TRIM36: variants seen among roughly 807,000 people sequenced by gnomAD.
TRIM36 encodes the protein tripartite motif containing 36.
TRIM36 carries 42 observed loss-of-function variants against 72.4 expected under a neutral mutation model. The observed-to-expected ratio is 0.58, with a 90% CI of 0.45 to 0.75. The LOEUF (loss-of-function observed/expected upper bound fraction) is 0.75. TRIM36 is among the 30% of genes least tolerant of loss of function. The probability of loss-of-function intolerance (pLI) is 0.00; values close to 1 mark genes in which losing one functional copy is unlikely to be tolerated. For missense variants in TRIM36, 913 were observed against 857.1 expected (o/e 1.07, Z -0.81); for synonymous variants, 315 against 282.8 (o/e 1.11, Z -1.14).
At chr5:115,163,368 G>T in intron 2 of TRIM36, 150 bp downstream of exon 2, 1 of 637,526 alleles carries the variant, frequency 1.6e-6, no homozygotes, top group South Asian at 2.0e-5. Flanking sequence ...TAACAGTGGG[G>T]GAGGCCCCTT....
chr5:115,162,256 G>A (rs1320733372), intron 2 of TRIM36, among the ~76,000 whole-genome samples: 3 of 152,164 alleles, frequency 2.0e-5, no homozygotes, highest in Non-Finnish European at 2.9e-5. Flanking sequence ...TAAAGAAGAG[G>A]GAGAAACATC....
chr5:115,167,470 C>G lies in TRIM36; in HGVS notation c.27+2138G>C, dbSNP rs983479302. ...GCTGCAAATTTTCCAAACTTTTACG[C>G]TCCGCTTCATCTCTCTCAAGTTCAA... On this transcript the variant is annotated intron_variant, in intron 1 of 9. Transcript: ENST00000513154. Among the ~76,000 whole-genome samples the G allele has an allele frequency of 9.8e-5, 15 of 152,354 alleles. No homozygotes were observed. The South Asian group carries it at 3.1e-3, about 32-fold the overall frequency.
In TRIM36 at chr5:115,141,345, A is replaced by C; in HGVS notation, c.765T>G (p.Leu255=). The change falls in exon 5 of 10, where the codon CTT becomes CTG. Residue 255 remains leucine (L), a synonymous_variant. Transcript: ENST00000513154. ...KEKLSKDIDY[L]IGKESQVKSQ... Reference sequence around the variant, plus strand: ...TCTTCACCTGGCTTTCCTTACCAATAAGGTAATCAATATCCTTTGAAAGCT... The same window carrying C: ...TCTTCACCTGGCTTTCCTTACCAATCAGGTAATCAATATCCTTTGAAAGCT... 6.2e-7 allele frequency: 1 copy of C among 1,602,610 alleles called. No homozygotes were observed. The highest frequency in any genetic ancestry group is 8.5e-7 in the Non-Finnish European group (1 of 1,176,908).
chr5:115,144,041 T>TTG (rs747673034), intron 4 of TRIM36, among the ~76,000 whole-genome samples: 29 of 151,340 alleles, frequency 1.9e-4, no homozygotes, highest in Non-Finnish European at 4.0e-4. Context: ...CAGCTAATTT[T>TTG]TTTTTTGTAT....
upstream of TRIM36, among the ~76,000 whole-genome samples, chr5:115,170,487 C>T (rs1366000793): frequency 2.0e-5 from 3 of 152,176 alleles, no homozygotes; most frequent in African/African-American, 7.2e-5. Context: ...CAGAGTGAGA[C>T]CCCGCCCGCC....
At chr5:115,172,118 G>T (rs1755142843), upstream of TRIM36, among the ~76,000 whole-genome samples, 1 of 151,996 alleles carries the variant, frequency 6.6e-6, no homozygotes, top group South Asian at 2.1e-4. Flanking sequence ...CCAAGTAATG[G>T]TATCATTGCC....
chr5:115,179,145 G>C (rs987123822), intron 1 of TRIM36, among the ~76,000 whole-genome samples: 5 of 152,210 alleles, frequency 3.3e-5, no homozygotes, highest in Non-Finnish European at 7.3e-5. Flanking sequence ...GCAGTGCACT[G>C]TGCAGCCTCC....
chr5:115,145,673 T>C (rs1044352129), intron 3 of TRIM36, among the ~76,000 whole-genome samples: 7 of 152,200 alleles, frequency 4.6e-5, no homozygotes, highest in Non-Finnish European at 1.0e-4. Context: ...ATCACAGGCA[T>C]GTGCCACCAT....
intron 3 of TRIM36, among the ~76,000 whole-genome samples, chr5:115,145,536 T>C (rs1035526157): frequency 1.3e-5 from 2 of 152,078 alleles, no homozygotes; most frequent in South Asian, 4.1e-4. Flanking sequence ...TATTTATTTA[T>C]TTATTTTTGA....
chr5:115,171,992 A>G (rs959032543), upstream of TRIM36, among the ~76,000 whole-genome samples: 12 of 152,204 alleles, frequency 7.9e-5, no homozygotes, highest in African/African-American at 2.9e-4. Context: ...TCTAGATTTG[A>G]GGACTTTCTA....
At chr5:115,144,553 T>G in intron 4 of TRIM36, 45 bp downstream of exon 4, 2 of 1,609,616 alleles carry the variant, frequency 1.2e-6, no homozygotes, top group South Asian at 2.2e-5. Context: ...AGGCATAAAG[T>G]AAAGTTACGA....
intron 1 of TRIM36, chr5:115,177,880 A>G (rs923493833): frequency 6.2e-7 from 1 of 1,613,020 alleles, no homozygotes; most frequent in African/African-American, 1.3e-5. Context: ...AGCCTAGTGA[A>G]GAGAGAGACA....
chr5:115,145,124 T>A (rs1468337617), intron 3 of TRIM36, among the ~76,000 whole-genome samples: 1 of 152,158 alleles, frequency 6.6e-6, no homozygotes, highest in Non-Finnish European at 1.5e-5. Context: ...ATGAAGCAAT[T>A]CTTAATGATC....
intron 1 of TRIM36, among the ~76,000 whole-genome samples, chr5:115,165,816 C>A (rs1754741105): frequency 6.6e-6 from 1 of 152,172 alleles, no homozygotes; most frequent in Non-Finnish European, 1.5e-5. Context: ...TCTTCCCCCA[C>A]ATGCTCAGAA....
chr5:115,138,892 T>C (rs546738173), intron 5 of TRIM36, among the ~76,000 whole-genome samples: 25 of 152,172 alleles, frequency 1.6e-4, no homozygotes, highest in Admixed American at 5.9e-4. Flanking sequence ...CTCGGCTCAC[T>C]GCAAGCTCCG....
At chr5:115,156,230 C>A (rs1310992831) in intron 2 of TRIM36, among the ~76,000 whole-genome samples, 2 of 151,940 alleles carry the variant, frequency 1.3e-5, no homozygotes, top group African/African-American at 2.4e-5. Flanking sequence ...TGAAAATGAC[C>A]ATACTGCCAT....
chr5:115,140,655 A>G (rs1352593857), intron 5 of TRIM36, among the ~76,000 whole-genome samples: 1 of 152,160 alleles, frequency 6.6e-6, no homozygotes, highest in East Asian at 1.9e-4. Context: ...ATGTAATCAC[A>G]TAGTATGTAT....
intron 2 of TRIM36, among the ~76,000 whole-genome samples, chr5:115,162,868 T>G (rs1411036703): frequency 2.0e-5 from 3 of 152,186 alleles, no homozygotes; most frequent in African/African-American, 7.2e-5. Context: ...TTACCATATA[T>G]GAATGTTTTC....
intron 4 of TRIM36, among the ~76,000 whole-genome samples, chr5:115,142,643 T>C (rs898451709): frequency 6.6e-6 from 1 of 152,228 alleles, no homozygotes; most frequent in African/African-American, 2.4e-5. Flanking sequence ...CCAGTCATAA[T>C]AGTCCCCTCA....
Sources: allele counts gnomAD v4.1 joint callset (sites outside exome capture counted in the v4.1 genomes callset), GRCh38; gene constraint gnomAD v4.1.1; transcripts MANE v1.5; gene names NCBI Gene and HGNC (gene_info 2026-07-23, HGNC 2026-07-21).